The following MAP2K4 variants were observed in gnomAD, a reference collection of about 807,000 sequenced individuals.
The protein encoded by MAP2K4 is dual specificity mitogen-activated protein kinase kinase 4.
MAP2K4 carries 4 observed loss-of-function variants against 48.5 expected under a neutral mutation model. The ratio of observed to expected loss-of-function variants is 0.08; its 90% confidence interval spans 0.04 to 0.19. MAP2K4 has a LOEUF of 0.19. Among genes scored for constraint, MAP2K4 ranks in the 10% least tolerant of loss-of-function variants. MAP2K4 has a pLI of 1.00. For synonymous variants in MAP2K4, 166 were observed against 173.1 expected (o/e 0.96, Z 0.32); for missense variants, 258 against 493.3 (o/e 0.52, Z 4.52).
chr17:12,099,225 A>C (rs1382725957), intron 4 of MAP2K4, among the ~76,000 whole-genome samples: 4 of 152,048 alleles, frequency 2.6e-5, no homozygotes, highest in Admixed American at 2.6e-4. Flanking sequence ...AAAAAAAAAA[A>C]ACATGATTTC....
At chr17:12,063,045 A>T (rs574567606) in intron 2 of MAP2K4, among the ~76,000 whole-genome samples, 38 of 152,106 alleles carry the variant, frequency 2.5e-4, no homozygotes, top group South Asian at 1.2e-3. Flanking sequence ...TTCATCTGGG[A>T]TGTGTGTTCT....
At chr17:12,080,277 G>C (rs573247451) in intron 2 of MAP2K4, among the ~76,000 whole-genome samples, 21 of 152,232 alleles carry the variant, frequency 1.4e-4, no homozygotes, top group African/African-American at 5.1e-4. Context: ...TTGCATCATA[G>C]GATCAGAGTT....
At chr17:12,125,231 T>C in intron 7 of MAP2K4, 63 bp from the exon 8 acceptor site, 1 of 1,241,666 alleles carries the variant, frequency 8.1e-7, no homozygotes. Context: ...CAGCTGTTGC[T>C]TCCATTTGCC....
intron 1 of MAP2K4, among the ~76,000 whole-genome samples, chr17:12,038,124 A>G (rs1271604857): frequency 6.6e-6 from 1 of 152,188 alleles, no homozygotes; most frequent in Admixed American, 6.5e-5. Context: ...TGTTGACAGA[A>G]CTTTCAGAGT....
At chr17:12,111,960 G>C (rs1006187292) in intron 6 of MAP2K4, among the ~76,000 whole-genome samples, 1 of 152,140 alleles carries the variant, frequency 6.6e-6, no homozygotes, top group Non-Finnish European at 1.5e-5. Context: ...CTCTCGTGCT[G>C]TGCAGCTCTG....
intron 1 of MAP2K4, among the ~76,000 whole-genome samples, chr17:12,026,325 T>C (rs1332791136): frequency 6.6e-6 from 1 of 152,186 alleles, no homozygotes; most frequent in Admixed American, 6.5e-5. Flanking sequence ...CCATAGAGTT[T>C]CCTTATTTTT....
intron 2 of MAP2K4, among the ~76,000 whole-genome samples, chr17:12,066,062 G>A (rs919138517): frequency 2.6e-5 from 4 of 151,876 alleles, no homozygotes; most frequent in Non-Finnish European, 5.9e-5. Context: ...TAAGTAGCTA[G>A]AGTCCCCTAA....
intron 6 of MAP2K4, 50 bp downstream of exon 6, chr17:12,110,476 A>C (rs749156697): frequency 1.6e-6 from 2 of 1,265,804 alleles, no homozygotes; most frequent in African/African-American, 3.0e-5. Flanking sequence ...TTTTTCTCCT[A>C]ATTGGTGAAA....
intron 4 of MAP2K4, among the ~76,000 whole-genome samples, chr17:12,104,976 A>G (rs1972059989): frequency 6.6e-6 from 1 of 152,194 alleles, no homozygotes; most frequent in African/African-American, 2.4e-5. Context: ...AGCAGCATTC[A>G]TTGAATAATG....
chr17:12,064,419 A>G (rs1372601968), intron 2 of MAP2K4, among the ~76,000 whole-genome samples: 1 of 152,226 alleles, frequency 6.6e-6, no homozygotes, highest in Non-Finnish European at 1.5e-5. Context: ...AAAGACTCTG[A>G]TAGACACTTC....
chr17:12,028,541 G>T (rs1192420365), intron 1 of MAP2K4, among the ~76,000 whole-genome samples: 1 of 152,200 alleles, frequency 6.6e-6, no homozygotes, highest in Non-Finnish European at 1.5e-5. Context: ...GGTAGCTGTG[G>T]TTTAAGGCAC....
intron 1 of MAP2K4, among the ~76,000 whole-genome samples, chr17:12,024,764 C>A (rs1465543528): frequency 6.6e-6 from 1 of 152,074 alleles, no homozygotes; most frequent in Non-Finnish European, 1.5e-5. Context: ...AAGTATTATT[C>A]TTTAGTCCAA....
At position 12,020,959 on chromosome 17, in the gene MAP2K4, G is replaced by A. The variant is rs1969012011; in HGVS notation, c.73G>A (p.Gly25Arg). 4 of 1,215,038 alleles carry A rather than the reference G, an allele frequency of 3.3e-6. No individual in the cohort carries two copies. Among genetic ancestry groups the A allele is most frequent in the African/African-American group, 1.6e-5 (1 of 63,568 alleles). The allele number at this position is 1,215,038 out of a possible 1,614,324, so 75.3% of individuals were successfully genotyped here. A position where few individuals can be genotyped will look rare whatever the true frequency, so the allele number is the denominator to read the frequency against. ...CGGCAGCGGCACCCCCGGCCCCGTA[G>A]GGTCCCCGGCGCCAGGCCACCCGGC... ...GSGSGTPGPV[G>R]SPAPGHPAVS... Residue 25 changes from glycine (G) to arginine (R), a missense_variant, in exon 1 of 11, where the codon GGG (glycine) becomes AGG (arginine). Coordinates refer to ENST00000353533, the MANE Select transcript of MAP2K4 (RefSeq NM_003010.4).
chr17:12,086,334 T>TA lies in MAP2K4; in HGVS notation c.393+4805dup. 2.0e-5 allele frequency among the ~76,000 whole-genome samples: 3 copies of TA among 152,258 alleles called. No individual in the cohort carries two copies. The East Asian group carries it at 5.8e-4, about 29-fold the overall frequency. On this transcript the variant is annotated intron_variant, in intron 3 of 10. Transcript: ENST00000353533. ...GTGGTGGTCATATGAAAAGTGTAAGTAGAGCATTTCCAGGAGGAGACATAT... is the reference window on the plus strand; with the variant it reads ...GTGGTGGTCATATGAAAAGTGTAAGTAAGAGCATTTCCAGGAGGAGACATAT...
Position 12,033,769 on chromosome 17 carries a change from G to T in MAP2K4, c.115+12768G>T, listed in dbSNP as rs1433621061. On this transcript the variant is annotated intron_variant, in intron 1 of 10. Coordinates refer to ENST00000353533, the MANE Select transcript of MAP2K4 (RefSeq NM_003010.4). ...GCATGACAACGTTTAGCTTTTATTT[G>T]TATTTTGACCTAAAATCTAATTAAT... Among the ~76,000 whole-genome samples, 3 of 151,782 alleles carry T rather than the reference G, an allele frequency of 2.0e-5. No homozygotes were observed. In the East Asian group the frequency reaches 5.8e-4, roughly 29 times the overall value.
intron 1 of MAP2K4, among the ~76,000 whole-genome samples, chr17:12,027,610 G>A (rs1238918617): frequency 6.6e-6 from 1 of 152,128 alleles, no homozygotes; most frequent in African/African-American, 2.4e-5. Context: ...ACATGCCTAT[G>A]TCTATTTATT....
intron 2 of MAP2K4, among the ~76,000 whole-genome samples, chr17:12,056,201 A>G (rs1435220339): frequency 1.3e-5 from 2 of 152,108 alleles, no homozygotes; most frequent in African/African-American, 2.4e-5. Flanking sequence ...TTGGAAGTCT[A>G]AGAAGGAAAG....
At chr17:12,127,394 A>G (rs924417397) in intron 8 of MAP2K4, among the ~76,000 whole-genome samples, 11 of 152,236 alleles carry the variant, frequency 7.2e-5, no homozygotes, top group African/African-American at 2.4e-4. Flanking sequence ...GGATATTTAC[A>G]ATTCAGAAAT....
At chr17:12,026,486 C>A (rs1969256537) in intron 1 of MAP2K4, among the ~76,000 whole-genome samples, 1 of 152,184 alleles carries the variant, frequency 6.6e-6, no homozygotes, top group Non-Finnish European at 1.5e-5. Context: ...CAGTTAACAA[C>A]TTTTTTCACT....
Sources: gnomAD v4.1 joint callset for allele counts (sites outside exome capture counted in the v4.1 genomes callset) on GRCh38, gnomAD v4.1.1 for gene constraint, MANE v1.5 for transcripts, NCBI Gene and HGNC (gene_info 2026-07-23, HGNC 2026-07-21) for gene names.